GPC5: variants seen among roughly 807,000 people sequenced by gnomAD.
The protein encoded by GPC5 is glypican-5.
In GPC5, 47 loss-of-function variants were observed where a neutral mutation model predicts 53.9. The ratio of observed to expected loss-of-function variants is 0.87; its 90% confidence interval spans 0.69 to 1.11. The LOEUF (loss-of-function observed/expected upper bound fraction) is 1.11. Among genes scored for constraint, GPC5 ranks in the 50% most tolerant of loss-of-function variants. The pLI is 0.00. For synonymous variants in GPC5, 286 were observed against 263.3 expected, an observed-to-expected ratio of 1.09 and a Z score of -0.84; for missense variants, 748 against 713.1, an observed-to-expected ratio of 1.05 and a Z score of -0.56.
intron 7 of GPC5, among the ~76,000 whole-genome samples, chr13:92,444,045 C>G (rs1012635154): frequency 1.3e-5 from 2 of 152,060 alleles, no homozygotes; most frequent in Admixed American, 6.6e-5. Context: ...GAAAAAAAGA[C>G]TTGAAGGTAA....
At chr13:91,510,929 A>C (rs1405151585) in intron 2 of GPC5, among the ~76,000 whole-genome samples, 1 of 152,070 alleles carries the variant, frequency 6.6e-6, no homozygotes, top group Non-Finnish European at 1.5e-5. Context: ...ATTGTGTATT[A>C]TATTTTGCAT....
intron 7 of GPC5, among the ~76,000 whole-genome samples, chr13:92,677,705 T>C (rs1886993332): frequency 6.6e-6 from 1 of 152,186 alleles, no homozygotes; most frequent in Non-Finnish European, 1.5e-5. Context: ...GTCTGCGTCC[T>C]GGCTCAGGAG....
intron 7 of GPC5, among the ~76,000 whole-genome samples, chr13:92,714,081 T>C (rs2139274991): frequency 6.6e-6 from 1 of 152,328 alleles, no homozygotes; most frequent in South Asian, 2.1e-4. Flanking sequence ...GTTTGTCACG[T>C]AATACCTAGA....
chr13:91,955,571 C>T (rs1566361918), intron 6 of GPC5, among the ~76,000 whole-genome samples: 1 of 152,180 alleles, frequency 6.6e-6, no homozygotes, highest in Non-Finnish European at 1.5e-5. Flanking sequence ...CAGAGGCACC[C>T]CAACTTAGGG....
Position 92,756,152 on chromosome 13 carries a change from C to A in GPC5, c.1562-110130C>A, listed in dbSNP as rs990314066. On this transcript the variant is annotated intron_variant, in intron 7 of 7. Transcript: ENST00000377067. ...CCACCATGATCAAGTGGGCTTCATC[C>A]CTGGGATGCAAGGCTGGTTCATTAT... 3.3e-5 allele frequency among the ~76,000 whole-genome samples: 5 copies of A among 151,850 alleles called. No individual in the cohort carries two copies. The South Asian group carries it at 1.0e-3, about 32-fold the overall frequency.
chr13:92,866,187 A>C (rs1879326933), intron 7 of GPC5, 95 bp from the exon 8 acceptor site: 2 of 1,091,808 alleles, frequency 1.8e-6, no homozygotes, highest in Middle Eastern at 2.5e-4. Context: ...GTCCCCAAAA[A>C]CAATGCTGTC....
At chr13:92,236,726 T>A (rs1375206173) in intron 7 of GPC5, among the ~76,000 whole-genome samples, 1 of 152,166 alleles carries the variant, frequency 6.6e-6, no homozygotes, top group African/African-American at 2.4e-5. Flanking sequence ...AAAATACAGA[T>A]GTGTATCATG....
intron 7 of GPC5, among the ~76,000 whole-genome samples, chr13:92,705,569 A>C (rs1012772380): frequency 6.6e-6 from 1 of 152,160 alleles, no homozygotes; most frequent in East Asian, 1.9e-4. Context: ...TCTTGAAATA[A>C]TTTTTGTAAA....
At chr13:91,650,214 G>A (rs929688791) in intron 2 of GPC5, among the ~76,000 whole-genome samples, 2 of 152,066 alleles carry the variant, frequency 1.3e-5, no homozygotes, top group East Asian at 3.9e-4. Flanking sequence ...CCAGAATGAA[G>A]ATATAGTACT....
Position 91,582,018 on chromosome 13 carries a change from T to A in GPC5, c.326-111169T>A, listed in dbSNP as rs143436973. Among the ~76,000 whole-genome samples, 14 of 152,248 alleles carry A rather than the reference T, an allele frequency of 9.2e-5. No homozygotes were observed. In the East Asian group the frequency reaches 2.7e-3, roughly 29 times the overall value. ...CTAAATTAGGCTTAGGGAGGCTTTC[T>A]TGCTTGTGTTTTCAGATTCTGGAAG... On this transcript the variant is annotated intron_variant, in intron 2 of 7. Transcript: ENST00000377067.
intron 6 of GPC5, among the ~76,000 whole-genome samples, chr13:91,973,992 C>A (rs1051098328): frequency 1.3e-5 from 2 of 152,160 alleles, no homozygotes; most frequent in African/African-American, 4.8e-5. Context: ...GCTGGGAGAA[C>A]CACTACTCTC....
intron 5 of GPC5, among the ~76,000 whole-genome samples, chr13:91,783,433 T>C (rs1402546558): frequency 1.3e-5 from 2 of 152,130 alleles, no homozygotes; most frequent in East Asian, 3.9e-4. Context: ...GTTTTTACTT[T>C]AATTAATTTA....
chr13:92,165,589 T>G (rs2139012373), intron 7 of GPC5, among the ~76,000 whole-genome samples: 1 of 152,242 alleles, frequency 6.6e-6, no homozygotes, highest in South Asian at 2.1e-4. Flanking sequence ...ACAAACTCAC[T>G]ATCATGAGAA....
intron 7 of GPC5, among the ~76,000 whole-genome samples, chr13:92,266,405 A>C (rs1043349968): frequency 4.6e-5 from 7 of 152,180 alleles, no homozygotes; most frequent in African/African-American, 1.7e-4. Flanking sequence ...TCTCTTCTGG[A>C]GCTTTTTCTA....
intron 7 of GPC5, among the ~76,000 whole-genome samples, chr13:92,176,782 A>T (rs2139029783): frequency 6.6e-6 from 1 of 152,180 alleles, no homozygotes; most frequent in East Asian, 1.9e-4. Flanking sequence ...TAGTTTACTG[A>T]TTTCCAGCAC....
chr13:91,621,057 A>AG (rs2033841378), intron 2 of GPC5, among the ~76,000 whole-genome samples: 1 of 152,122 alleles, frequency 6.6e-6, no homozygotes, highest in Non-Finnish European at 1.5e-5. Context: ...AACAACTGTA[A>AG]GGGGGTCCTC....
chr13:91,894,332 T>C, intron 5 of GPC5, among the ~76,000 whole-genome samples: 1 of 152,168 alleles, frequency 6.6e-6, no homozygotes. Flanking sequence ...TGCAGTAAAG[T>C]CAGTAGATTC....
At chr13:92,685,004 T>C (rs1448347980) in intron 7 of GPC5, among the ~76,000 whole-genome samples, 1 of 152,198 alleles carries the variant, frequency 6.6e-6, no homozygotes, top group Non-Finnish European at 1.5e-5. Context: ...TGAGCATCTT[T>C]TCATGTGCTT....
chr13:92,807,309 CAT>C (rs1184984543), intron 7 of GPC5, among the ~76,000 whole-genome samples: 2 of 152,006 alleles, frequency 1.3e-5, no homozygotes, highest in African/African-American at 2.4e-5. Context: ...CAAAAAGAGA[CAT>C]ATTTAAAAAT....
Sources: allele counts gnomAD v4.1 joint callset (sites outside exome capture counted in the v4.1 genomes callset), GRCh38; gene constraint gnomAD v4.1.1; transcripts MANE v1.5; gene names NCBI Gene and HGNC (gene_info 2026-07-23, HGNC 2026-07-21).